The following CACNA2D4 variants were observed in gnomAD, a reference collection of about 807,000 sequenced individuals.
The protein encoded by CACNA2D4 is calcium voltage-gated channel auxiliary subunit alpha2delta 4.
CACNA2D4 carries 157 observed loss-of-function variants against 163.8 expected under a neutral mutation model. The ratio of observed to expected loss-of-function variants is 0.96; its 90% confidence interval spans 0.84 to 1.09. The LOEUF (loss-of-function observed/expected upper bound fraction) is 1.09. CACNA2D4 is among the 50% of genes least tolerant of loss of function. The pLI is 0.00. For missense variants in CACNA2D4, 1,410 were observed against 1,479.9 expected (o/e 0.95, Z 0.78); for synonymous variants, 598 against 586.9 (o/e 1.02, Z -0.27).
rs756764810 is a variant in CACNA2D4, at chr12:1,860,142, C to T, written c.1940+3G>A. 1.2e-6 allele frequency: 2 copies of T among 1,612,080 alleles called. No homozygotes were observed. Among genetic ancestry groups the T allele is most frequent in the East Asian group, 4.5e-5 (2 of 44,878 alleles). On this transcript the variant is annotated splice_donor_region_variant and intron_variant, in intron 19 of 37. Coordinates refer to ENST00000382722, the MANE Select transcript of CACNA2D4 (RefSeq NM_172364.5). ...CCGTGCAAATAAAGCCTGTGTCCCTCACCTGAAAGGGGTGTCGCTGATGTC... is the reference window on the plus strand; with the variant it reads ...CCGTGCAAATAAAGCCTGTGTCCCTTACCTGAAAGGGGTGTCGCTGATGTC...
intron 31 of CACNA2D4, 80 bp from the exon 32 acceptor site, chr12:1,800,518 C>T: frequency 1.4e-6 from 2 of 1,380,828 alleles, no homozygotes; most frequent in South Asian, 2.4e-5. Context: ...GCACCACCCT[C>T]AGAGAGACCA....
In CACNA2D4 at chr12:1,840,813, G is replaced by T; in HGVS notation, c.2477C>A (p.Ala826Glu). 1.2e-6 allele frequency: 2 copies of T among 1,608,598 alleles called. No homozygotes were observed. The highest frequency in any genetic ancestry group is 1.7e-6 in the Non-Finnish European group (2 of 1,178,972). ...NLRWAEGPES[A>E]GEPMVVTAST... is the part of the protein sequence containing the mutation. ...TGCCGTCACCACCATGGGTTCACCC[G>T]CACTTTCTGGGGAAACAGAGACAAC... is the stretch of plus-strand genomic sequence containing the variant. The change falls in exon 26 of 38, where the codon GCG (alanine) becomes GAG (glutamate). Residue 826 changes from alanine to glutamate, a missense_variant. Ala to Glu is a moderately radical substitution (Grantham distance 107). Coordinates refer to ENST00000382722, the MANE Select transcript of CACNA2D4 (RefSeq NM_172364.5).
rs891397273 is a variant in CACNA2D4, at chr12:1,831,500, C to T, written c.2551+9239G>A. 8 of 1,613,508 alleles carry T rather than the reference C, an allele frequency of 5.0e-6. No homozygotes were observed. The African/African-American group carries it at 8.0e-5, about 16-fold the overall frequency. ...ACTGTAACCTGCGTGAGTTCAAACA[C>T]TGGATGGAGTGGTTCTCCTACCGAG... On this transcript the variant is annotated intron_variant, in intron 26 of 37. Coordinates refer to ENST00000382722, the MANE Select transcript of CACNA2D4 (RefSeq NM_172364.5).
chr12:1,841,439 G>A (rs1038923234), intron 25 of CACNA2D4, among the ~76,000 whole-genome samples: 2 of 152,220 alleles, frequency 1.3e-5, no homozygotes, highest in Admixed American at 6.5e-5. Context: ...GGCTTGCCTC[G>A]CATTGCTCTC....
intron 29 of CACNA2D4, among the ~76,000 whole-genome samples, chr12:1,803,949 C>T (rs1863426405): frequency 6.6e-6 from 1 of 152,192 alleles, no homozygotes; most frequent in Non-Finnish European, 1.5e-5. Flanking sequence ...GTGGACATGG[C>T]AGCGGGACAG....
intron 6 of CACNA2D4, among the ~76,000 whole-genome samples, chr12:1,906,399 A>C (rs1370101481): frequency 6.6e-6 from 1 of 152,196 alleles, no homozygotes; most frequent in African/African-American, 2.4e-5. Context: ...GAATGGGAGA[A>C]ATTATTTGCA....
chr12:1,877,193 G>A (rs1865901446), intron 16 of CACNA2D4, among the ~76,000 whole-genome samples: 1 of 152,202 alleles, frequency 6.6e-6, no homozygotes, highest in African/African-American at 2.4e-5. Flanking sequence ...GCACGAGGAG[G>A]CCCACAGTGT....
chr12:1,793,547 GC>G lies in CACNA2D4; in HGVS notation c.*107del. 1.1e-6 allele frequency: 1 copy of G among 921,222 alleles called. No homozygotes were observed. The highest frequency in any genetic ancestry group is 1.8e-6 in the Non-Finnish European group (1 of 570,582). The allele number at this position is 921,222 out of a possible 1,614,324, so 57.1% of individuals were successfully genotyped here. On this transcript the variant is annotated 3_prime_UTR_variant, in exon 38 of 38. Transcript: ENST00000382722. Reference sequence around the variant, plus strand: ...CAGCCCAGGATTGAGAGGAGCGTTGGCCTGGGGGCGACCCAACTGCAGTTAG... The same window carrying G: ...CAGCCCAGGATTGAGAGGAGCGTTGGCTGGGGGCGACCCAACTGCAGTTAG...
intron 18 of CACNA2D4, among the ~76,000 whole-genome samples, chr12:1,863,167 A>G (rs1458447039): frequency 6.6e-6 from 1 of 152,186 alleles, no homozygotes; most frequent in East Asian, 1.9e-4. Context: ...TTGTTCTAGG[A>G]CCATCTGTTG....
At chr12:1,915,752 G>A (rs932920572) in intron 1 of CACNA2D4, among the ~76,000 whole-genome samples, 18 of 152,262 alleles carry the variant, frequency 1.2e-4, no homozygotes, top group Non-Finnish European at 1.9e-4. Context: ...ATCTTGGCCA[G>A]GCTGGTGGGG....
At chr12:1,893,351 ACT>A (rs1866331344) in intron 6 of CACNA2D4, among the ~76,000 whole-genome samples, 1 of 152,100 alleles carries the variant, frequency 6.6e-6, no homozygotes, top group African/African-American at 2.4e-5. Flanking sequence ...CCCCATCTCT[ACT>A]AAAAATACAA....
At chr12:1,813,573 C>T (rs140950863) in intron 26 of CACNA2D4, among the ~76,000 whole-genome samples, 66 of 152,244 alleles carry the variant, frequency 4.3e-4, no homozygotes, top group South Asian at 1.0e-3. Context: ...TGGTGGCCAG[C>T]GTTTTGGACA....
Position 1,807,756 on chromosome 12 carries a change from C to T in CACNA2D4, c.2721+2522G>A, listed in dbSNP as rs186393052. On this transcript the variant is annotated intron_variant, in intron 29 of 37. Transcript: ENST00000382722. ...CCATAACCCGACACAGTTCAGGCTG[C>T]ATGGTCAGAGCTGTCCAGAGTGAGG... Among the ~76,000 whole-genome samples, 5 of 152,156 alleles carry T rather than the reference C, an allele frequency of 3.3e-5. No homozygotes were observed. In the East Asian group the frequency reaches 5.9e-4, roughly 18 times the overall value.
chr12:1,908,044 TG>T lies in CACNA2D4; in HGVS notation c.487-8del. 2 of 1,607,330 alleles carry T rather than the reference TG, an allele frequency of 1.2e-6. No homozygotes were observed. The highest frequency in any genetic ancestry group is 1.7e-6 in the Non-Finnish European group (2 of 1,175,338). On this transcript the variant is annotated splice_polypyrimidine_tract_variant and splice_region_variant and intron_variant, in intron 4 of 37. Transcript: ENST00000382722. ...CCGAGTTGTAATAGTCGAACTGGGG[TG>T]GACGGGTGAGGCCCACGGAGGCGGC...
chr12:1,907,684 C>A, intron 5 of CACNA2D4, 113 bp from the exon 6 acceptor site: 1 of 1,198,690 alleles, frequency 8.3e-7, no homozygotes, highest in Non-Finnish European at 1.2e-6. Context: ...GGTAAGCGTG[C>A]CTGGTGGGTG....
intron 26 of CACNA2D4, chr12:1,827,864 C>T (rs180942175): frequency 1.2e-3 from 450 of 375,278 alleles, no homozygotes; most frequent in Admixed American, 3.4e-3. Context: ...GCCCGACCCT[C>T]GGGCTCCTGG....
chr12:1,832,422 C>T (rs1864675715), intron 26 of CACNA2D4, among the ~76,000 whole-genome samples: 3 of 152,328 alleles, frequency 2.0e-5, no homozygotes, highest in South Asian at 2.1e-4. Flanking sequence ...TCCATTTATC[C>T]GTTCACTTCC....
chr12:1,808,745 G>A (rs780008476), intron 29 of CACNA2D4, among the ~76,000 whole-genome samples: 1 of 152,232 alleles, frequency 6.6e-6, no homozygotes, highest in Non-Finnish European at 1.5e-5. Context: ...CACCCAGGGC[G>A]AGAGGGGTCG....
At chr12:1,838,085 C>T (rs1436603308) in intron 26 of CACNA2D4, among the ~76,000 whole-genome samples, 2 of 152,224 alleles carry the variant, frequency 1.3e-5, no homozygotes, top group African/African-American at 4.8e-5. Flanking sequence ...GACCTCATTC[C>T]TCGCCTAGGG....
Sources: allele counts gnomAD v4.1 joint callset (sites outside exome capture counted in the v4.1 genomes callset), GRCh38; gene constraint gnomAD v4.1.1; transcripts MANE v1.5; gene names NCBI Gene and HGNC (gene_info 2026-07-23, HGNC 2026-07-21).